Variants in SLC39A11 observed in about 807,000 individuals in gnomAD.
SLC39A11 encodes zinc transporter ZIP11.
Under a neutral mutation model 36.1 loss-of-function variants are expected in SLC39A11, and 33 were observed. The ratio of observed to expected loss-of-function variants is 0.91; its 90% CI spans 0.69 to 1.22. SLC39A11 has a LOEUF of 1.22. Ranked by LOEUF, SLC39A11 falls within the 50% of genes most tolerant of loss-of-function variation. The probability of loss-of-function intolerance (pLI) is 0.00; values close to 1 mark genes in which losing one functional copy is unlikely to be tolerated. For synonymous variants in SLC39A11, 166 were observed against 170.3 expected (o/e 0.97, Z 0.20); for missense variants, 432 against 430.3 (o/e 1.00, Z -0.03).
chr17:73,025,506 G>A (rs16977497), intron 4 of SLC39A11, among the ~76,000 whole-genome samples: 4,746 of 152,242 alleles, frequency 0.031, 97 homozygotes, highest in Middle Eastern at 0.065. Flanking sequence ...ACTCAACCAC[G>A]GAGAGATGGC....
chr17:72,731,831 A>T (rs971023491), intron 7 of SLC39A11, among the ~76,000 whole-genome samples: 7 of 151,530 alleles, frequency 4.6e-5, no homozygotes, highest in African/African-American at 1.7e-4. Context: ...GGTTCAAGAG[A>T]TTCTCCTGCC....
chr17:72,734,083 A>G (rs1407888145), intron 7 of SLC39A11, among the ~76,000 whole-genome samples: 1 of 152,056 alleles, frequency 6.6e-6, no homozygotes, highest in Non-Finnish European at 1.5e-5. Flanking sequence ...CCTCATGGCT[A>G]CTCAAGTGGG....
chr17:72,700,652 C>T (rs941803541), intron 7 of SLC39A11, among the ~76,000 whole-genome samples: 1 of 152,178 alleles, frequency 6.6e-6, no homozygotes, highest in Non-Finnish European at 1.5e-5. Flanking sequence ...CGTTTTCACG[C>T]TGTTCATAAA....
chr17:72,977,057 T>C (rs569296880), intron 4 of SLC39A11, among the ~76,000 whole-genome samples: 3 of 152,184 alleles, frequency 2.0e-5, no homozygotes, highest in Non-Finnish European at 4.4e-5. Context: ...TGCGTTAGGA[T>C]AAGATTACCC....
chr17:72,917,690 T>C (rs2083412409), intron 5 of SLC39A11, among the ~76,000 whole-genome samples: 1 of 152,248 alleles, frequency 6.6e-6, no homozygotes, highest in East Asian at 1.9e-4. Context: ...CTGGCTGCTC[T>C]TTATTGGGCT....
chr17:72,914,619 G>A (rs1008908272), intron 5 of SLC39A11, among the ~76,000 whole-genome samples: 2 of 152,094 alleles, frequency 1.3e-5, no homozygotes, highest in Non-Finnish European at 2.9e-5. Context: ...AGTGGCTCAC[G>A]TCTGCATTCC....
chr17:72,687,369 G>A (rs905529344), intron 7 of SLC39A11, among the ~76,000 whole-genome samples: 1 of 152,094 alleles, frequency 6.6e-6, no homozygotes, highest in East Asian at 1.9e-4. Flanking sequence ...TCAGCCTCAC[G>A]AGTAGCTGGG....
rs543588581 is a variant in SLC39A11 at position 72,771,654 on chromosome 17, T to C, written c.602-34935A>G. ...GATAAAGTGCACAGGCTCAGATTCC[T>C]AATAAAAAAAAGACTGTGCGGTAAT... On this transcript the variant is annotated intron_variant, in intron 6 of 9. Coordinates refer to ENST00000255559, the MANE Select transcript of SLC39A11 (RefSeq NM_139177.4). Among the ~76,000 whole-genome samples, 13 of 152,114 alleles carry C rather than the reference T, an allele frequency of 8.5e-5. No homozygotes were observed. The East Asian group carries it at 2.3e-3, about 27-fold the overall frequency.
chr17:72,946,757 T>C (rs1162829132), intron 5 of SLC39A11, among the ~76,000 whole-genome samples: 1 of 152,182 alleles, frequency 6.6e-6, no homozygotes, highest in Non-Finnish European at 1.5e-5. Context: ...TCATGCTCAC[T>C]GGCCCTTAAA....
At chr17:72,683,166 C>T (rs778143046) in intron 7 of SLC39A11, among the ~76,000 whole-genome samples, 14 of 152,044 alleles carry the variant, frequency 9.2e-5, no homozygotes, top group Non-Finnish European at 1.6e-4. Flanking sequence ...GGTAAAAGGC[C>T]CACTCAGACT....
intron 4 of SLC39A11, among the ~76,000 whole-genome samples, chr17:72,994,471 T>C (rs1298350320): frequency 2.6e-5 from 4 of 152,104 alleles, no homozygotes; most frequent in African/African-American, 7.2e-5. Context: ...GCAACAGGGA[T>C]TGATCAAGAG....
At chr17:72,880,900 C>G (rs545921233) in intron 5 of SLC39A11, among the ~76,000 whole-genome samples, 2 of 73,560 alleles carry the variant, frequency 2.7e-5, no homozygotes, top group East Asian at 1.1e-3. Flanking sequence ...CCAGGATGAT[C>G]TCAATCTCCT....
intron 5 of SLC39A11, among the ~76,000 whole-genome samples, chr17:72,931,341 C>T (rs2084382764): frequency 6.6e-6 from 1 of 152,188 alleles, no homozygotes; most frequent in South Asian, 2.1e-4. Flanking sequence ...CATGGCAACA[C>T]CTTGCAGAAA....
In SLC39A11 at chr17:72,946,171, A is replaced by G. The variant is rs375756749; in HGVS notation, c.430+1581T>C. 3.1e-4 allele frequency among the ~76,000 whole-genome samples: 47 copies of G among 152,356 alleles called. No homozygotes were observed. In the East Asian group the frequency reaches 8.3e-3, roughly 27 times the overall value. On this transcript the variant is annotated intron_variant, in intron 5 of 9. Coordinates refer to ENST00000255559, the MANE Select transcript of SLC39A11 (RefSeq NM_139177.4). Reference sequence around the variant, plus strand: ...ACCAGACAGTCCTTGACTATGTTCCAGTAAAAAGAGAAGATGATACCTAAA... The same window carrying G: ...ACCAGACAGTCCTTGACTATGTTCCGGTAAAAAGAGAAGATGATACCTAAA...
rs117991338 is a variant in SLC39A11 at position 72,764,107 on chromosome 17, G to C, written c.602-27388C>G. On this transcript the variant is annotated intron_variant, in intron 6 of 9. Transcript: ENST00000255559. ...GGCACTCTGAAGTTAGAGTCCAGTG[G>C]GAAGGCCCAGGGTCACTAACCACAG... 8.1e-3 allele frequency among the ~76,000 whole-genome samples: 1,227 copies of C among 152,202 alleles called. 8 individuals are homozygous for C. Among genetic ancestry groups the C allele is most frequent in the Non-Finnish European group, 0.013 (862 of 68,020 alleles).
At chr17:72,910,034 G>A (rs572283712) in intron 5 of SLC39A11, among the ~76,000 whole-genome samples, 8 of 152,148 alleles carry the variant, frequency 5.3e-5, no homozygotes, top group African/African-American at 1.9e-4. Context: ...TTACAGGTGT[G>A]AGCCACCGCA....
At chr17:72,670,851 T>A (rs1200443146) in intron 7 of SLC39A11, among the ~76,000 whole-genome samples, 2 of 152,310 alleles carry the variant, frequency 1.3e-5, no homozygotes, top group Admixed American at 1.3e-4. Context: ...ATCAACTACT[T>A]CCCCAAGAGG....
intron 5 of SLC39A11, among the ~76,000 whole-genome samples, chr17:72,877,902 T>C (rs1395875917): frequency 3.3e-5 from 5 of 151,864 alleles, no homozygotes; most frequent in Non-Finnish European, 7.4e-5. Context: ...ATGTGCCATG[T>C]TGGTGTGCTG....
chr17:72,896,413 G>A (rs774714605), intron 5 of SLC39A11, among the ~76,000 whole-genome samples: 16 of 151,772 alleles, frequency 1.1e-4, no homozygotes, highest in Non-Finnish European at 2.1e-4. Context: ...TGTTGGCAAG[G>A]CTGGTCTTGA....
Sources: allele counts gnomAD v4.1 joint callset (sites outside exome capture counted in the v4.1 genomes callset), GRCh38; gene constraint gnomAD v4.1.1; transcripts MANE v1.5; gene names NCBI Gene and HGNC (gene_info 2026-07-23, HGNC 2026-07-21).